The following POLA1 variants were observed in gnomAD, a reference collection of about 807,000 sequenced individuals.
The protein encoded by POLA1 is DNA polymerase alpha 1, catalytic subunit, also known as DNA polymerase alpha catalytic subunit.
In POLA1, 15 loss-of-function variants were observed where a neutral mutation model predicts 124.0. That is an observed-to-expected ratio of 0.12 (90% CI 0.08 to 0.19). The LOEUF is 0.19. Among genes scored for constraint, POLA1 ranks in the 10% least tolerant of loss-of-function variants. POLA1 has a pLI of 1.00. For synonymous variants in POLA1, 408 were observed against 389.4 expected (o/e 1.05, Z -0.56); for missense variants, 886 against 1,103.4 (o/e 0.80, Z 2.79).
At chrX:24,858,741 T>A (rs1260860194) in intron 34 of POLA1, among the ~76,000 whole-genome samples, 1 of 112,311 alleles carries the variant, frequency 8.9e-6, no homozygotes, top group East Asian at 2.8e-4. Context: ...CAAACTTGTT[T>A]TACTTAGCTA....
At chrX:24,867,252 T>A (rs896909252) in intron 34 of POLA1, among the ~76,000 whole-genome samples, 11 of 111,605 alleles carry the variant, frequency 9.9e-5, no homozygotes, top group African/African-American at 3.2e-4. Flanking sequence ...TTTTTCAATA[T>A]GTGTAGGACA....
chrX:24,780,824 A>G (rs1225803170), intron 26 of POLA1, among the ~76,000 whole-genome samples: 1 of 112,035 alleles, frequency 8.9e-6, no homozygotes, highest in Non-Finnish European at 1.9e-5. Flanking sequence ...TGCCCTCACA[A>G]TGTGTTGAGA....
intron 36 of POLA1, among the ~76,000 whole-genome samples, chrX:24,960,997 T>C (rs962702035): frequency 8.9e-6 from 1 of 112,658 alleles, no homozygotes; most frequent in Non-Finnish European, 1.9e-5. Flanking sequence ...TTATTTTTTC[T>C]GCACAGGACC....
intron 33 of POLA1, among the ~76,000 whole-genome samples, chrX:24,843,108 ATTAAC>A (rs1395971358): frequency 1.8e-5 from 2 of 112,067 alleles, no homozygotes; most frequent in Non-Finnish European, 1.9e-5. Context: ...TATTTTTAAA[ATTAAC>A]TTGACAAGAT....
At chrX:24,869,903 G>A (rs1450549789) in intron 34 of POLA1, among the ~76,000 whole-genome samples, 2 of 112,170 alleles carry the variant, frequency 1.8e-5, no homozygotes, top group Non-Finnish European at 3.8e-5. Context: ...TGTTGAAACT[G>A]TTTTAATATA....
At chrX:24,977,054 C>T (rs769853249) in intron 36 of POLA1, among the ~76,000 whole-genome samples, 3 of 112,276 alleles carry the variant, frequency 2.7e-5, no homozygotes, top group Non-Finnish European at 3.8e-5. Flanking sequence ...TGATGACCCT[C>T]GCGGCCTGAT....
At chrX:24,777,579 G>C (rs1243343512) in intron 26 of POLA1, among the ~76,000 whole-genome samples, 1 of 112,390 alleles carries the variant, frequency 8.9e-6, no homozygotes, top group African/African-American at 3.2e-5. Flanking sequence ...TAAGTGTGCA[G>C]GTGCACACAA....
At chrX:24,726,479 A>C (rs1317896859) in intron 13 of POLA1, among the ~76,000 whole-genome samples, 2 of 112,283 alleles carry the variant, frequency 1.8e-5, no homozygotes, top group Non-Finnish European at 3.8e-5. Flanking sequence ...ACTGGACCTT[A>C]ACCTCTTTTT....
intron 15 of POLA1, 138 bp from the exon 16 acceptor site, chrX:24,732,232 G>A (rs1291151155): frequency 4.5e-6 from 2 of 447,744 alleles, no homozygotes; most frequent in South Asian, 3.9e-5. Context: ...TGGAATTACA[G>A]GCATGAGCCA....
intron 34 of POLA1, among the ~76,000 whole-genome samples, chrX:24,878,953 G>A (rs2046969950): frequency 1.8e-5 from 2 of 111,106 alleles, no homozygotes; most frequent in Admixed American, 1.9e-4. Context: ...ATATACACTT[G>A]TTGTAGAAAA....
chrX:24,830,595 A>G (rs1267969726), intron 32 of POLA1, among the ~76,000 whole-genome samples: 1 of 111,960 alleles, frequency 8.9e-6, no homozygotes, highest in Non-Finnish European at 1.9e-5. Context: ...TTCTTATACA[A>G]TAGCCCTATG....
At chrX:24,761,102 A>G (rs754641160) in intron 26 of POLA1, among the ~76,000 whole-genome samples, 7 of 112,227 alleles carry the variant, frequency 6.2e-5, no homozygotes, top group Non-Finnish European at 7.5e-5. Context: ...GCAACAAAGC[A>G]TGAGTGATTT....
At chrX:24,802,382 C>T (rs1178198452) in intron 26 of POLA1, among the ~76,000 whole-genome samples, 1 of 111,293 alleles carries the variant, frequency 9.0e-6, no homozygotes, top group African/African-American at 3.3e-5. Context: ...AAAAGCATAG[C>T]CTGTTTAATG....
intron 18 of POLA1, 134 bp from the exon 19 acceptor site, chrX:24,737,491 A>G (rs747113094): frequency 6.9e-5 from 30 of 433,166 alleles, no homozygotes; most frequent in East Asian, 2.5e-4. Context: ...AGGACCCCCA[A>G]TCGGAGGTAA....
In POLA1 at chrX:24,693,978, G is replaced by A. The variant is rs775792719; in HGVS notation, c.17G>A (p.Gly6Asp). The A allele has an allele frequency of 8.4e-6, 10 of 1,193,917 alleles. No individual in the cohort carries two copies. The South Asian group carries it at 1.8e-4, about 22-fold the overall frequency. MAPVH[G>D]DDCEIGASAL... ...TTCGGGACCATGGCACCTGTGCACGGCGACGACTGTGAGATAGGGGCGAGT... is the reference window on the plus strand; with the variant it reads ...TTCGGGACCATGGCACCTGTGCACGACGACGACTGTGAGATAGGGGCGAGT... Residue 6 changes from glycine to aspartate, a missense_variant, in exon 1 of 37, where the codon GGC (glycine) becomes GAC (aspartate). Physicochemically the swap from Gly to Asp is moderately conservative, Grantham distance 94 (BLOSUM62 -1). This residue lies in a region of POLA1 where 49 missense variants were observed against 39.2 expected (regional missense o/e 1.25). Transcript: ENST00000379068.
At chrX:24,804,808 A>G (rs774267994) in intron 26 of POLA1, among the ~76,000 whole-genome samples, 4 of 111,760 alleles carry the variant, frequency 3.6e-5, no homozygotes, top group African/African-American at 9.7e-5. Flanking sequence ...ATGCATTGTG[A>G]TACAACAGTA....
chrX:24,899,154 T>A (rs1356530372), intron 35 of POLA1, among the ~76,000 whole-genome samples: 2 of 112,138 alleles, frequency 1.8e-5, no homozygotes, highest in Non-Finnish European at 3.8e-5. Context: ...TTTCTCCCAA[T>A]TGTTTTATTG....
At chrX:24,888,600 G>GTTTTTTTTTTTTTTT (rs869301308) in intron 35 of POLA1, among the ~76,000 whole-genome samples, 1 of 49,152 alleles carries the variant, frequency 2.0e-5, no homozygotes, top group Non-Finnish European at 3.5e-5. Context: ...TTGTTTGCTT[G>GTTTTTTTTTTTTTTT]TTTTTTTTTT....
At chrX:24,992,142 G>A (rs1028304637) in intron 36 of POLA1, among the ~76,000 whole-genome samples, 2 of 111,727 alleles carry the variant, frequency 1.8e-5, no homozygotes, top group African/African-American at 3.3e-5. Context: ...TATATGGATC[G>A]ATATTCAGGA....
Sources: allele counts gnomAD v4.1 joint callset (sites outside exome capture counted in the v4.1 genomes callset), GRCh38; gene constraint gnomAD v4.1.1; regional missense constraint gnomAD v4.1.1; transcripts MANE v1.5; gene names NCBI Gene and HGNC (gene_info 2026-07-23, HGNC 2026-07-21).